The following FBXO4 variants were observed in gnomAD, a reference collection of about 807,000 sequenced individuals.
The protein encoded by FBXO4 is F-box protein 4.
A neutral mutation model predicts 43.7 loss-of-function variants in FBXO4; 36 were observed. The observed-to-expected ratio is 0.82, with a 90% CI of 0.63 to 1.09. The LOEUF (loss-of-function observed/expected upper bound fraction) is 1.09, where lower values mean the gene tolerates loss of function less well. Ranked by LOEUF, FBXO4 falls within the 50% of genes least tolerant of loss-of-function variation. The probability of loss-of-function intolerance (pLI) is 0.00; values close to 1 mark genes in which losing one functional copy is unlikely to be tolerated. For missense variants in FBXO4, 435 were observed against 474.1 expected (o/e 0.92, Z 0.77); for synonymous variants, 180 against 165.6 (o/e 1.09, Z -0.67).
At chr5:41,935,099 C>T in intron 5 of FBXO4, 1 of 985,196 alleles carries the variant, frequency 1.0e-6, no homozygotes, top group Non-Finnish European at 1.2e-6. Flanking sequence ...AAGATAAGTT[C>T]ATTTAACAAA....
chr5:41,928,981 T>A (rs1305993737), intron 2 of FBXO4, among the ~76,000 whole-genome samples: 4 of 152,264 alleles, frequency 2.6e-5, no homozygotes, highest in Admixed American at 2.6e-4. Flanking sequence ...CTAGGTTTGC[T>A]GCAAGGATCA....
downstream of FBXO4, among the ~76,000 whole-genome samples, chr5:41,943,754 C>A (rs1413875635): frequency 6.6e-6 from 1 of 152,096 alleles, no homozygotes; most frequent in Non-Finnish European, 1.5e-5. Flanking sequence ...TGTTAATGGA[C>A]TGAATTTTGT....
At chr5:41,956,876 C>A in the FBXO4 span, among the ~76,000 whole-genome samples, 1 of 151,904 alleles carries the variant, frequency 6.6e-6, no homozygotes, top group South Asian at 2.1e-4. Flanking sequence ...CTGCAAATGG[C>A]TAATTTTTGT....
the FBXO4 span, among the ~76,000 whole-genome samples, chr5:41,972,861 C>T: frequency 6.6e-6 from 1 of 152,098 alleles, no homozygotes; most frequent in South Asian, 2.1e-4. Context: ...GGATAACTGG[C>T]TAGCCATAAA....
chr5:41,929,342 A>AG lies in FBXO4; in HGVS notation c.426-349dup, dbSNP rs533312825. Among the ~76,000 whole-genome samples the AG allele has an allele frequency of 1.6e-4, 24 of 152,290 alleles. No individual in the cohort carries two copies. In the East Asian group the frequency reaches 3.3e-3, roughly 21 times the overall value. The stretch of plus-strand genomic sequence containing the variant: ...TTGTTCAGACATTGCCAAATGTTCC[A>AG]GGGGGGCAGGGATAAACCTCCTAGG... On this transcript the variant is annotated intron_variant, in intron 2 of 6. Transcript: ENST00000281623.
chr5:42,013,728 G>A, the FBXO4 span, among the ~76,000 whole-genome samples: 1 of 152,212 alleles, frequency 6.6e-6, no homozygotes, highest in Non-Finnish European at 1.5e-5. Context: ...AGCAAACACA[G>A]CTGTACCCTG....
chr5:41,948,631 ATATAT>A, the FBXO4 span, among the ~76,000 whole-genome samples: 1 of 152,184 alleles, frequency 6.6e-6, no homozygotes, highest in Non-Finnish European at 1.5e-5. Flanking sequence ...AAACACTATG[ATATAT>A]TATTTTGCTT....
chr5:41,945,103 A>G (rs1383454848), downstream of FBXO4, among the ~76,000 whole-genome samples: 3 of 152,224 alleles, frequency 2.0e-5, no homozygotes, highest in South Asian at 2.1e-4. Context: ...ACAAAGCTAC[A>G]GCTAAAAAGA....
the FBXO4 span, among the ~76,000 whole-genome samples, chr5:41,987,614 C>T: frequency 2.0e-5 from 3 of 152,154 alleles, no homozygotes; most frequent in South Asian, 6.2e-4. Context: ...TGCCTTTTTG[C>T]AGCATGAATG....
At chr5:41,985,426 T>C in the FBXO4 span, among the ~76,000 whole-genome samples, 1 of 152,332 alleles carries the variant, frequency 6.6e-6, no homozygotes, top group East Asian at 1.9e-4. Flanking sequence ...TAAACAAAGC[T>C]AGTAATAGAA....
chr5:41,927,195 A>T lies in FBXO4; in HGVS notation c.372A>T (p.Leu124Phe). 3 of 1,613,466 alleles carry T rather than the reference A, an allele frequency of 1.9e-6. No individual in the cohort carries two copies. Among genetic ancestry groups the T allele is most frequent in the African/African-American group, 1.3e-5 (1 of 74,950 alleles). The change falls in exon 2 of 7, where the codon TTA becomes TTT. Residue 124 changes from leucine (L) to phenylalanine (F), a missense_variant. Transcript: ENST00000281623. ...AGTCTCTTCCAGATCTAGAAATCTT[A>T]AAAAAGCCTATATCTGAGGTCACTG... ...DWKSLPDLEI[L>F]KKPISEVTDG...
In FBXO4 at chr5:41,929,737, T is replaced by C; in HGVS notation, c.466T>C (p.Ser156Pro). Residue 156 changes from serine (S) to proline (P), a missense_variant, in exon 3 of 7, where the codon TCC becomes CCC. Physicochemically the swap from Ser to Pro is moderately conservative, Grantham distance 74. Coordinates refer to ENST00000281623, the MANE Select transcript of FBXO4 (RefSeq NM_012176.3). ...TCCATACACAAGAAGAGCTTCAAAATCCAGCCGTCCTATGTATGGAGCTGT... is the reference window on the plus strand; with the variant it reads ...TCCATACACAAGAAGAGCTTCAAAACCCAGCCGTCCTATGTATGGAGCTGT... ...CCPYTRRASK[S>P]SRPMYGAVTS... 1 of 1,613,298 alleles carries C rather than the reference T, an allele frequency of 6.2e-7. No individual in the cohort carries two copies. The highest frequency in any genetic ancestry group is 2.2e-5 in the East Asian group (1 of 44,878).
At chr5:41,973,603 C>T in the FBXO4 span, among the ~76,000 whole-genome samples, 19 of 152,276 alleles carry the variant, frequency 1.2e-4, no homozygotes, top group African/African-American at 4.3e-4. Context: ...ATTGCTTGAA[C>T]CCATGAGGTT....
At chr5:42,011,113 T>C in the FBXO4 span, among the ~76,000 whole-genome samples, 1 of 152,220 alleles carries the variant, frequency 6.6e-6, no homozygotes, top group Non-Finnish European at 1.5e-5. Flanking sequence ...AATACATTTT[T>C]CCTGATGGGC....
the FBXO4 span, among the ~76,000 whole-genome samples, chr5:41,948,137 C>CT: frequency 0.087 from 11,999 of 138,026 alleles, 1,267 homozygotes; most frequent in African/African-American, 0.24. Flanking sequence ...TGGCTACAAT[C>CT]TTTTTTTTTT....
chr5:41,961,656 G>T, the FBXO4 span, among the ~76,000 whole-genome samples: 1 of 152,168 alleles, frequency 6.6e-6, no homozygotes, highest in Non-Finnish European at 1.5e-5. Context: ...GTCAGTACCT[G>T]GAATGAAACT....
the FBXO4 span, among the ~76,000 whole-genome samples, chr5:42,035,360 T>C: frequency 6.6e-6 from 1 of 152,102 alleles, no homozygotes; most frequent in East Asian, 1.9e-4. Flanking sequence ...CAATAGTATG[T>C]TGTATAGGAG....
downstream of FBXO4, among the ~76,000 whole-genome samples, chr5:41,944,949 C>G (rs1224121882): frequency 6.6e-6 from 1 of 152,140 alleles, no homozygotes; most frequent in Non-Finnish European, 1.5e-5. Flanking sequence ...AAAATGATAG[C>G]AGAAGTGATG....
At chr5:41,976,633 G>A in the FBXO4 span, among the ~76,000 whole-genome samples, 1 of 152,204 alleles carries the variant, frequency 6.6e-6, no homozygotes, top group Non-Finnish European at 1.5e-5. Context: ...GGTTCCCAAG[G>A]CCTTGGGCAG....
Sources: allele counts gnomAD v4.1 joint callset (sites outside exome capture counted in the v4.1 genomes callset), GRCh38; gene constraint gnomAD v4.1.1; transcripts MANE v1.5; gene names NCBI Gene and HGNC (gene_info 2026-07-23, HGNC 2026-07-21).